Variants in GALNT13 observed in about 807,000 individuals in gnomAD.
GALNT13 encodes polypeptide N-acetylgalactosaminyltransferase 13.
A neutral mutation model predicts 64.2 loss-of-function variants in GALNT13; 28 were observed. That is an observed-to-expected ratio of 0.44 (90% CI 0.32 to 0.60). GALNT13 has a LOEUF of 0.60. Ranked by LOEUF, GALNT13 falls within the 20% of genes least tolerant of loss-of-function variation. The pLI, the probability that GALNT13 is intolerant of heterozygous loss-of-function variation, is 0.05. For synonymous variants in GALNT13, 214 were observed against 224.6 expected, an observed-to-expected ratio of 0.95 and a Z score of 0.42; for missense variants, 577 against 669.8, an observed-to-expected ratio of 0.86 and a Z score of 1.53.
At chr2:153,306,108 A>G in the GALNT13 span, among the ~76,000 whole-genome samples, 4 of 152,134 alleles carry the variant, frequency 2.6e-5, no homozygotes, top group Admixed American at 6.5e-5. Context: ...GGATTTCTTT[A>G]TGACCCACAT....
the GALNT13 span, among the ~76,000 whole-genome samples, chr2:153,824,237 TACACTGTTGGTGTATAACACAC>T: frequency 6.6e-6 from 1 of 152,166 alleles, no homozygotes; most frequent in African/African-American, 2.4e-5. Flanking sequence ...ACAGCAGTTA[TACACTGTTGGTGTATAACACAC>T]ACACTGTTGG....
the GALNT13 span, among the ~76,000 whole-genome samples, chr2:153,128,404 C>T: frequency 3.9e-5 from 6 of 151,918 alleles, no homozygotes; most frequent in African/African-American, 1.5e-4. Flanking sequence ...TCTTGTGAGA[C>T]TTATTCACTG....
chr2:153,808,696 T>G, the GALNT13 span, among the ~76,000 whole-genome samples: 3 of 152,186 alleles, frequency 2.0e-5, no homozygotes, highest in Admixed American at 6.5e-5. Context: ...CCAACAACTC[T>G]TTTGCCCACA....
chr2:153,574,518 G>A, the GALNT13 span, among the ~76,000 whole-genome samples: 1 of 151,996 alleles, frequency 6.6e-6, no homozygotes, highest in Admixed American at 6.6e-5. Context: ...TCTAGATTCT[G>A]TAGGCATGCT....
At chr2:153,707,417 T>C in the GALNT13 span, among the ~76,000 whole-genome samples, 4 of 152,250 alleles carry the variant, frequency 2.6e-5, no homozygotes, top group African/African-American at 9.6e-5. Context: ...CTATGAAACA[T>C]CCATATTTAC....
the GALNT13 span, among the ~76,000 whole-genome samples, chr2:153,256,200 G>A: frequency 4.8e-4 from 72 of 150,228 alleles, no homozygotes; most frequent in Middle Eastern, 3.4e-3. Context: ...TTCCCTTCTC[G>A]CTTCATTTCA....
chr2:154,375,728 G>A (rs966335478), intron 9 of GALNT13, among the ~76,000 whole-genome samples: 1 of 152,084 alleles, frequency 6.6e-6, no homozygotes, highest in African/African-American at 2.4e-5. Context: ...CGCAAACTGT[G>A]GTCTTTCTGA....
intron 3 of GALNT13, among the ~76,000 whole-genome samples, chr2:154,059,367 G>A (rs1700058518): frequency 6.6e-6 from 1 of 152,096 alleles, no homozygotes; most frequent in Admixed American, 6.5e-5. Context: ...GAACCTTAAG[G>A]TCTTCACCAT....
chr2:153,070,143 A>C, the GALNT13 span, among the ~76,000 whole-genome samples: 3 of 152,218 alleles, frequency 2.0e-5, no homozygotes, highest in Non-Finnish European at 2.9e-5. Context: ...TGATAAGAAG[A>C]AATAATATAT....
chr2:153,920,775 T>C (rs1424157534), intron 2 of GALNT13, among the ~76,000 whole-genome samples: 7 of 151,448 alleles, frequency 4.6e-5, no homozygotes, highest in Admixed American at 4.6e-4. Context: ...GGAACTTAAG[T>C]GTATGAACAA....
At chr2:154,455,344 T>C (rs1702018067), downstream of GALNT13, among the ~76,000 whole-genome samples, 1 of 152,196 alleles carries the variant, frequency 6.6e-6, no homozygotes, top group South Asian at 2.1e-4. Context: ...AAAACATGTA[T>C]GCATTCTTAA....
intron 3 of GALNT13, among the ~76,000 whole-genome samples, chr2:154,091,690 T>A (rs184563199): frequency 6.6e-6 from 1 of 152,102 alleles, no homozygotes; most frequent in Non-Finnish European, 1.5e-5. Context: ...AATCACTTAT[T>A]TAATTCATTT....
the GALNT13 span, among the ~76,000 whole-genome samples, chr2:153,833,892 G>A: frequency 6.6e-6 from 1 of 152,178 alleles, no homozygotes; most frequent in African/African-American, 2.4e-5. Context: ...ATGCCACCAA[G>A]CTTTCTATTC....
chr2:153,829,483 A>T, the GALNT13 span, among the ~76,000 whole-genome samples: 1 of 152,114 alleles, frequency 6.6e-6, no homozygotes, highest in Non-Finnish European at 1.5e-5. Context: ...AGATCTCATG[A>T]GACTTATTCA....
the GALNT13 span, among the ~76,000 whole-genome samples, chr2:153,232,967 A>G: frequency 6.6e-6 from 1 of 152,116 alleles, no homozygotes; most frequent in African/African-American, 2.4e-5. Context: ...TGTGACTCCA[A>G]CAAGTCACCT....
intron 3 of GALNT13, among the ~76,000 whole-genome samples, chr2:154,052,931 G>C (rs1358218844): frequency 6.6e-6 from 1 of 151,832 alleles, no homozygotes; most frequent in Admixed American, 6.6e-5. Flanking sequence ...TAGAGAGGGG[G>C]TTTCACCATG....
chr2:154,095,649 G>A (rs1702038153), intron 3 of GALNT13, among the ~76,000 whole-genome samples: 1 of 151,834 alleles, frequency 6.6e-6, no homozygotes, highest in African/African-American at 2.4e-5. Flanking sequence ...TGAATAGAAT[G>A]TACTTCTATA....
the GALNT13 span, among the ~76,000 whole-genome samples, chr2:153,584,842 TA>T: frequency 1.3e-4 from 20 of 152,030 alleles, no homozygotes; most frequent in East Asian, 2.7e-3. Flanking sequence ...TATTTATAGC[TA>T]AAAAAAATTG....
chr2:153,855,981 T>C, the GALNT13 span, among the ~76,000 whole-genome samples: 1 of 152,134 alleles, frequency 6.6e-6, no homozygotes, highest in African/African-American at 2.4e-5. Context: ...GATCGCACAG[T>C]GTTATGATTC....
Sources: allele counts gnomAD v4.1 joint callset (sites outside exome capture counted in the v4.1 genomes callset), GRCh38; gene constraint gnomAD v4.1.1; transcripts MANE v1.5; gene names NCBI Gene and HGNC (gene_info 2026-07-23, HGNC 2026-07-21).